CTTNBP2NL: variants seen among roughly 807,000 people sequenced by gnomAD.
CTTNBP2NL encodes the protein CTTNBP2 N-terminal-like protein.
In CTTNBP2NL, 16 loss-of-function variants were observed where a neutral mutation model predicts 32.5. The observed-to-expected ratio is 0.49, with a 90% confidence interval of 0.33 to 0.75. The LOEUF is 0.75. CTTNBP2NL is among the 30% of genes least tolerant of loss of function. The pLI, the probability that CTTNBP2NL is intolerant of heterozygous loss-of-function variation, is 0.02. For missense variants in CTTNBP2NL, 645 were observed against 756.0 expected, an observed-to-expected ratio of 0.85 and a Z score of 1.72; for synonymous variants, 298 against 289.4, an observed-to-expected ratio of 1.03 and a Z score of -0.30.
Position 112,457,054 on chromosome 1 carries a change from C to G in CTTNBP2NL, c.1562C>G (p.Pro521Arg), listed in dbSNP as rs1474486972. Residue 521 changes from proline to arginine, a missense_variant, in exon 6 of 6, where the codon CCA (proline) becomes CGA (arginine). Pro to Arg is a moderately radical substitution (Grantham distance 103, BLOSUM62 -2). Transcript: ENST00000271277. ...RFTSQQGPIK[P>R]VSPNSSPFGT... ...ACTAGCCAACAAGGGCCAATCAAGCCAGTCTCTCCCAACAGCTCTCCCTTT... is the reference window on the plus strand; with the variant it reads ...ACTAGCCAACAAGGGCCAATCAAGCGAGTCTCTCCCAACAGCTCTCCCTTT... The G allele has an allele frequency of 6.2e-7, 1 of 1,614,198 alleles. No individual in the cohort carries two copies. Among genetic ancestry groups the G allele is most frequent in the Non-Finnish European group, 8.5e-7 (1 of 1,180,044 alleles).
chr1:112,421,744 A>G (rs192899798), intron 3 of CTTNBP2NL, among the ~76,000 whole-genome samples: 1 of 152,196 alleles, frequency 6.6e-6, no homozygotes, highest in Non-Finnish European at 1.5e-5. Context: ...GGGAATTGAC[A>G]GTTTTGAGGT....
rs1650376736 is a variant in CTTNBP2NL, at chr1:112,456,723, A to C, written c.1231A>C (p.Ser411Arg). The change falls in exon 6 of 6, where the codon AGC becomes CGC. Residue 411 changes from serine (S) to arginine (R), a missense_variant. Physicochemically the swap from Ser to Arg is moderately radical, Grantham distance 110. Coordinates refer to ENST00000271277, the MANE Select transcript of CTTNBP2NL (RefSeq NM_018704.3). ...PMPSPLSSSG[S>R]SLSPSSTASS... The stretch of plus-strand genomic sequence containing the variant: ...GCCCAGTCCCCTCTCTTCCAGTGGG[A>C]GCTCACTGTCTCCCAGCAGCACTGC... 1 of 1,613,878 alleles carries C rather than the reference A, an allele frequency of 6.2e-7. No homozygotes were observed. Among genetic ancestry groups the C allele is most frequent in the Admixed American group, 1.7e-5 (1 of 59,984 alleles).
chr1:112,456,686 T>TCCAGTCCCAATGC lies in CTTNBP2NL; in HGVS notation c.1203_1215dup (p.Leu406AsnfsTer34). 1 of 1,614,050 alleles carries TCCAGTCCCAATGC rather than the reference T, an allele frequency of 6.2e-7. No individual in the cohort carries two copies. The highest frequency in any genetic ancestry group is 8.5e-7 in the Non-Finnish European group (1 of 1,180,012). ...GTGGGTGTCCTGTGGGGATTGAGACTCCAGTCCCAATGCCCAGTCCCCTCT... is the reference window on the plus strand; with the variant it reads ...GTGGGTGTCCTGTGGGGATTGAGACTCCAGTCCCAATGCCCAGTCCCAATGCCCAGTCCCCTCT... On this transcript the variant is annotated frameshift_variant, in exon 6 of 6. Transcript: ENST00000271277. LOFTEE classifies it low-confidence loss of function (END_TRUNC).
chr1:112,411,978 C>T (rs1304754039), intron 1 of CTTNBP2NL, among the ~76,000 whole-genome samples: 1 of 152,168 alleles, frequency 6.6e-6, no homozygotes, highest in Non-Finnish European at 1.5e-5. Flanking sequence ...AAAGCCTCTA[C>T]CTTCCCTTAT....
rs539811819 is a variant in CTTNBP2NL at position 112,426,824 on chromosome 1, T to C, written c.99+10560T>C. ...TTTCACCATATTGGCCAGACTAGTC[T>C]CAAACTCCTGACCTCAAGTGATCTG... On this transcript the variant is annotated intron_variant, in intron 3 of 5. Coordinates refer to ENST00000271277, the MANE Select transcript of CTTNBP2NL (RefSeq NM_018704.3). Among the ~76,000 whole-genome samples, 5 of 152,114 alleles carry C rather than the reference T, an allele frequency of 3.3e-5. No individual in the cohort carries two copies. In the East Asian group the frequency reaches 9.6e-4, roughly 29 times the overall value.
rs1165287671 is a variant in CTTNBP2NL at position 112,460,105 on chromosome 1, A to C, written c.*2693A>C. On this transcript the variant is annotated 3_prime_UTR_variant, in exon 6 of 6. Transcript: ENST00000271277. ...CATGTTGCAAAAGCTGTTACTGGCC[A>C]ACAGATTGTAATGATGTGTACCATA... 1 of 152,218 alleles carries C rather than the reference A, an allele frequency of 6.6e-6. No homozygotes were observed. Among genetic ancestry groups the C allele is most frequent in the African/African-American group, 2.4e-5 (1 of 41,452 alleles). The allele number at this position is 152,218 out of a possible 1,614,324, so 9.4% of individuals were successfully genotyped here. A position where few individuals can be genotyped will look rare whatever the true frequency, so the allele number is the denominator to read the frequency against.
At chr1:112,436,555 C>T (rs951062562) in intron 3 of CTTNBP2NL, among the ~76,000 whole-genome samples, 2 of 152,096 alleles carry the variant, frequency 1.3e-5, no homozygotes, top group African/African-American at 4.8e-5. Flanking sequence ...ACTGTGTTGC[C>T]CAGGCTGGTC....
At position 112,457,557 on chromosome 1, in the gene CTTNBP2NL, A is replaced by G. The variant is rs1650409548; in HGVS notation, c.*145A>G. 2 of 752,494 alleles carry G rather than the reference A, an allele frequency of 2.7e-6. No individual in the cohort carries two copies. The highest frequency in any genetic ancestry group is 3.3e-5 in the Admixed American group (1 of 30,020). 46.6% of individuals were successfully genotyped at this position (752,494 alleles called of 1,614,324 possible). ...CATTTAGTATATTTCACCATTTTGT[A>G]TTTTTTTAAGTAGAAACTGAGTAGT... On this transcript the variant is annotated 3_prime_UTR_variant, in exon 6 of 6. Coordinates refer to ENST00000271277, the MANE Select transcript of CTTNBP2NL (RefSeq NM_018704.3).
At chr1:112,422,903 C>T (rs1350538260) in intron 3 of CTTNBP2NL, among the ~76,000 whole-genome samples, 4 of 152,262 alleles carry the variant, frequency 2.6e-5, no homozygotes, top group Non-Finnish European at 4.4e-5. Flanking sequence ...AGCAATCCTC[C>T]AGCCTCAGCC....
chr1:112,457,514 G>A lies in CTTNBP2NL; in HGVS notation c.*102G>A, dbSNP rs1199044113. 1.3e-5 allele frequency: 13 copies of A among 998,236 alleles called. No individual in the cohort carries two copies. Among genetic ancestry groups the A allele is most frequent in the Non-Finnish European group, 1.9e-5 (13 of 668,558 alleles). The allele number at this position is 998,236 out of a possible 1,614,324, so 61.8% of individuals were successfully genotyped here. On this transcript the variant is annotated 3_prime_UTR_variant, in exon 6 of 6. Coordinates refer to ENST00000271277, the MANE Select transcript of CTTNBP2NL (RefSeq NM_018704.3). The stretch of plus-strand genomic sequence containing the variant: ...TATGTTATTTATTTTGATAGTAGCT[G>A]AAACCATCTGTATAATACATTTAGT...
At chr1:112,415,195 C>G (rs1266916236) in intron 2 of CTTNBP2NL, among the ~76,000 whole-genome samples, 2 of 149,086 alleles carry the variant, frequency 1.3e-5, no homozygotes, top group Admixed American at 6.7e-5. Flanking sequence ...TGTCTTAAAA[C>G]AAAAAAAAAT....
At chr1:112,437,340 G>T (rs1005943198) in intron 3 of CTTNBP2NL, among the ~76,000 whole-genome samples, 2 of 152,148 alleles carry the variant, frequency 1.3e-5, no homozygotes, top group Non-Finnish European at 2.9e-5. Context: ...GTATGAGATG[G>T]TATCTCATTG....
chr1:112,438,045 G>T (rs1315777254), intron 3 of CTTNBP2NL, among the ~76,000 whole-genome samples: 1 of 152,118 alleles, frequency 6.6e-6, no homozygotes, highest in Non-Finnish European at 1.5e-5. Context: ...GTCCAGAATG[G>T]TATTGTCTAG....
upstream of CTTNBP2NL, among the ~76,000 whole-genome samples, chr1:112,391,847 C>T (rs1648190274): frequency 1.3e-5 from 2 of 152,014 alleles, no homozygotes; most frequent in Non-Finnish European, 2.9e-5. Flanking sequence ...AAAAATTAGC[C>T]GGCAGTAGTG....
chr1:112,454,547 G>C lies in CTTNBP2NL; in HGVS notation c.429G>C (p.Leu143=). The change falls in exon 5 of 6, where the codon CTG becomes CTC. Residue 143 remains leucine, a synonymous_variant. Transcript: ENST00000271277. ...TYMLEKERER[L]TQQLEFEKSQ... ...TGCTAGAGAAGGAAAGAGAGAGGCT[G>C]ACTCAACAGGTAATTAAGGTAGAGG... 6.2e-7 allele frequency: 1 copy of C among 1,606,106 alleles called. No homozygotes were observed. Among genetic ancestry groups the C allele is most frequent in the Admixed American group, 1.7e-5 (1 of 60,014 alleles).
rs372101795 is a variant in CTTNBP2NL, at chr1:112,422,427, TTTATAA to T, written c.99+6167_99+6172del. On this transcript the variant is annotated intron_variant, in intron 3 of 5. Coordinates refer to ENST00000271277, the MANE Select transcript of CTTNBP2NL (RefSeq NM_018704.3). The stretch of plus-strand genomic sequence containing the variant: ...ATTTGTATTGTTTCTAATTTGGGAC[TTTATAA>T]TTAAAGTTGCTGTGAACATTCATGT... Among the ~76,000 whole-genome samples the T allele has an allele frequency of 1.9e-3, 285 of 152,354 alleles. 2 individuals carry two copies. The highest frequency in any genetic ancestry group is 6.4e-3 in the African/African-American group (267 of 41,590).
chr1:112,451,784 A>C (rs4839247), intron 4 of CTTNBP2NL, among the ~76,000 whole-genome samples: 6,693 of 144,142 alleles, frequency 0.046, 540 homozygotes, highest in African/African-American at 0.15. Context: ...AAAAAAAAAA[A>C]CACAAAACAA....
intron 3 of CTTNBP2NL, among the ~76,000 whole-genome samples, chr1:112,422,587 A>AT (rs1649264046): frequency 6.6e-6 from 1 of 152,188 alleles, no homozygotes. Context: ...AAGCGATTGT[A>AT]CCATTTTACA....
At chr1:112,441,180 T>C (rs947187180) in intron 3 of CTTNBP2NL, among the ~76,000 whole-genome samples, 1 of 152,180 alleles carries the variant, frequency 6.6e-6, no homozygotes, top group Non-Finnish European at 1.5e-5. Context: ...CACACCAGGA[T>C]CTTGTGCCCC....
Sources: allele counts gnomAD v4.1 joint callset (sites outside exome capture counted in the v4.1 genomes callset), GRCh38; gene constraint gnomAD v4.1.1; transcripts MANE v1.5; gene names NCBI Gene and HGNC (gene_info 2026-07-23, HGNC 2026-07-21).